AOPEP: variants seen among roughly 807,000 people sequenced by gnomAD.
AOPEP encodes the protein aminopeptidase O (putative), also known as aminopeptidase O.
A neutral mutation model predicts 98.1 loss-of-function variants in AOPEP; 77 were observed. That is an observed-to-expected ratio of 0.78 (90% CI 0.65 to 0.95). The LOEUF is 0.95. Ranked by LOEUF, AOPEP falls within the 40% of genes least tolerant of loss-of-function variation. AOPEP has a pLI of 0.00. For missense variants in AOPEP, 1,024 were observed against 1,024.7 expected, an observed-to-expected ratio of 1.00 and a Z score of 0.01; for synonymous variants, 346 against 365.3, an observed-to-expected ratio of 0.95 and a Z score of 0.60.
downstream of AOPEP, among the ~76,000 whole-genome samples, chr9:95,091,978 G>A (rs1421132964): frequency 6.6e-6 from 1 of 152,132 alleles, no homozygotes; most frequent in Non-Finnish European, 1.5e-5. Flanking sequence ...AGATCCAGAA[G>A]AGAAGAAAGG....
intron 11 of AOPEP, among the ~76,000 whole-genome samples, chr9:94,995,064 A>G (rs2061136644): frequency 6.6e-6 from 1 of 152,228 alleles, no homozygotes; most frequent in Non-Finnish European, 1.5e-5. Flanking sequence ...CTTTATAATA[A>G]GACACATGAG....
At chr9:94,955,082 T>C (rs2137960205) in intron 7 of AOPEP, 95 bp from the exon 8 acceptor site, 5 of 672,894 alleles carry the variant, frequency 7.4e-6, no homozygotes, top group Non-Finnish European at 1.3e-5. Context: ...CAGGATGATA[T>C]TGAGCAACTC....
At chr9:95,009,203 CTTT>C (rs763516476) in intron 13 of AOPEP, among the ~76,000 whole-genome samples, 4 of 151,514 alleles carry the variant, frequency 2.6e-5, no homozygotes, top group Non-Finnish European at 5.9e-5. Context: ...GAGGAATGCA[CTTT>C]TTTTTCTTTT....
chr9:94,739,062 C>G (rs1314544667), intron 1 of AOPEP, among the ~76,000 whole-genome samples: 1 of 152,202 alleles, frequency 6.6e-6, no homozygotes, highest in Non-Finnish European at 1.5e-5. Flanking sequence ...ATGACCAAAA[C>G]TACGTCTCAA....
chr9:94,997,667 C>A (rs1466504248), intron 11 of AOPEP, among the ~76,000 whole-genome samples: 2 of 152,114 alleles, frequency 1.3e-5, no homozygotes, highest in African/African-American at 4.8e-5. Context: ...TCTAAAGGCA[C>A]CCTTACATCA....
chr9:95,005,634 G>T lies in AOPEP; in HGVS notation c.2115+18G>T. ...TTGAAAAGGTAGGGGTTCCCGAGAC[G>T]GTACTCGGTGCAGGTCTTGGTAAAT... On this transcript the variant is annotated intron_variant, in intron 13 of 16. Transcript: ENST00000375315. 6.2e-7 allele frequency: 1 copy of T among 1,608,762 alleles called. No individual in the cohort carries two copies. The highest frequency in any genetic ancestry group is 8.5e-7 in the Non-Finnish European group (1 of 1,175,218).
intron 11 of AOPEP, among the ~76,000 whole-genome samples, chr9:94,991,913 A>G (rs2060914167): frequency 6.6e-6 from 1 of 152,246 alleles, no homozygotes; most frequent in East Asian, 1.9e-4. Context: ...AGGTCTTTGC[A>G]TTTGGAAAGA....
chr9:95,101,835 C>G, the AOPEP span: 2 of 1,614,020 alleles, frequency 1.2e-6, no homozygotes, highest in Non-Finnish European at 1.7e-6. Flanking sequence ...TGAGTTATCT[C>G]AGCAGTGTGA....
At chr9:94,863,763 C>T (rs560873369) in intron 5 of AOPEP, among the ~76,000 whole-genome samples, 21 of 152,230 alleles carry the variant, frequency 1.4e-4, no homozygotes, top group African/African-American at 5.1e-4. Context: ...TACATAATAG[C>T]TTTTGGAAAT....
At chr9:94,736,964 A>G (rs1831911465) in intron 1 of AOPEP, among the ~76,000 whole-genome samples, 1 of 152,210 alleles carries the variant, frequency 6.6e-6, no homozygotes, top group African/African-American at 2.4e-5. Context: ...GAGACTACTC[A>G]GGCAATGACA....
chr9:94,862,908 C>T (rs781601078), intron 5 of AOPEP, among the ~76,000 whole-genome samples: 2 of 152,146 alleles, frequency 1.3e-5, no homozygotes, highest in Non-Finnish European at 2.9e-5. Context: ...AGTATATGCG[C>T]ACAAATACTT....
chr9:94,912,704 G>C (rs2052244694), intron 5 of AOPEP, among the ~76,000 whole-genome samples: 1 of 152,216 alleles, frequency 6.6e-6, no homozygotes, highest in South Asian at 2.1e-4. Context: ...GGGAAAAGTT[G>C]CTTTCCTGAT....
rs560276437 is a variant in AOPEP at position 95,020,282 on chromosome 9, A to C, written c.2115+14666A>C. On this transcript the variant is annotated intron_variant, in intron 13 of 16. Transcript: ENST00000375315. ...GCCTTTGTTGTATTGTGGGGCACAGACACTGAGGGAGACAGGGAAAGGTCT... is the reference window on the plus strand; with the variant it reads ...GCCTTTGTTGTATTGTGGGGCACAGCCACTGAGGGAGACAGGGAAAGGTCT... 2.6e-5 allele frequency: 4 copies of C among 152,354 alleles called. 1 individual carries two copies. The East Asian group carries it at 7.7e-4, about 29-fold the overall frequency. The allele number at this position is 152,354 out of a possible 1,614,324, so 9.4% of individuals were successfully genotyped here.
chr9:95,101,519 G>T, the AOPEP span: 1 of 707,214 alleles, frequency 1.4e-6, no homozygotes, highest in East Asian at 2.7e-5. Context: ...CTGAGTCTGG[G>T]CTGAGGGACC....
chr9:94,902,155 G>A (rs2050500715), intron 5 of AOPEP, among the ~76,000 whole-genome samples: 2 of 152,132 alleles, frequency 1.3e-5, no homozygotes, highest in African/African-American at 4.8e-5. Context: ...TGTTTAAGCA[G>A]GGAGGAAAAA....
At chr9:95,082,058 G>A (rs762669814) in intron 15 of AOPEP, among the ~76,000 whole-genome samples, 4 of 152,064 alleles carry the variant, frequency 2.6e-5, no homozygotes, top group Admixed American at 6.5e-5. Flanking sequence ...GGGCGCAGGC[G>A]GGGTGGGCGT....
At chr9:94,804,245 C>G (rs1414221517) in intron 5 of AOPEP, among the ~76,000 whole-genome samples, 1 of 152,206 alleles carries the variant, frequency 6.6e-6, no homozygotes, top group African/African-American at 2.4e-5. Flanking sequence ...ACACCTTAAT[C>G]TTACCTTTGT....
At chr9:94,934,689 C>T (rs909348225) in intron 7 of AOPEP, 1 of 152,184 alleles carries the variant, frequency 6.6e-6, no homozygotes, top group Non-Finnish European at 1.5e-5. Flanking sequence ...TATTTTTAAT[C>T]TTTTGAGACT....
chr9:94,930,311 G>T lies in AOPEP; in HGVS notation c.1661+1780G>T, dbSNP rs889918736. ...AGAATGACTTTGAGGTTTTTGAGTTGGACAGTTGGGTAGATGGTGATCCCA... is the reference window on the plus strand; with the variant it reads ...AGAATGACTTTGAGGTTTTTGAGTTTGACAGTTGGGTAGATGGTGATCCCA... On this transcript the variant is annotated intron_variant, in intron 7 of 16. Transcript: ENST00000375315. This position sits in a 1 kb window ranked among gnomAD's most constrained non-coding sequence, Gnocchi z 4.5. Among the ~76,000 whole-genome samples, 2 of 152,114 alleles carry T rather than the reference G, an allele frequency of 1.3e-5. No individual in the cohort carries two copies. Among genetic ancestry groups the T allele is most frequent in the Admixed American group, 1.3e-4 (2 of 15,262 alleles).
Sources: gnomAD v4.1 joint callset for allele counts (sites outside exome capture counted in the v4.1 genomes callset) on GRCh38, gnomAD v4.1.1 for gene constraint, Gnocchi (gnomAD v3.1) non-coding constraint, MANE v1.5 for transcripts, NCBI Gene and HGNC (gene_info 2026-07-23, HGNC 2026-07-21) for gene names.